The following IPCEF1 variants were observed in gnomAD, a reference collection of about 807,000 sequenced individuals.
IPCEF1 encodes the protein interactor protein for cytohesin exchange factors 1.
In IPCEF1, 31 loss-of-function variants were observed where a neutral mutation model predicts 50.9. The ratio of observed to expected loss-of-function variants is 0.61; its 90% CI spans 0.46 to 0.82. The LOEUF (loss-of-function observed/expected upper bound fraction) is 0.82. Ranked by LOEUF, IPCEF1 falls within the 40% of genes least tolerant of loss-of-function variation. The pLI, the probability that IPCEF1 is intolerant of heterozygous loss-of-function variation, is 0.00. For synonymous variants in IPCEF1, 181 were observed against 192.0 expected (o/e 0.94, Z 0.47); for missense variants, 458 against 514.0 (o/e 0.89, Z 1.05).
At chr6:154,205,169 C>T (rs532632779) in intron 9 of IPCEF1, among the ~76,000 whole-genome samples, 31 of 152,192 alleles carry the variant, frequency 2.0e-4, no homozygotes, top group Non-Finnish European at 3.5e-4. Context: ...ATTTGTCAGT[C>T]CTTGAAGTAA....
intron 7 of IPCEF1, among the ~76,000 whole-genome samples, chr6:154,216,275 G>A (rs1187945367): frequency 6.6e-6 from 1 of 151,930 alleles, no homozygotes; most frequent in Non-Finnish European, 1.5e-5. Flanking sequence ...TCAATTTCCT[G>A]TTATAATGAA....
At chr6:154,170,044 T>C (rs770175190) in intron 10 of IPCEF1, among the ~76,000 whole-genome samples, 8 of 152,152 alleles carry the variant, frequency 5.3e-5, no homozygotes, top group Non-Finnish European at 1.0e-4. Context: ...ATGTTACCCA[T>C]GTTAAGCTAC....
intron 1 of IPCEF1, among the ~76,000 whole-genome samples, chr6:154,301,188 C>T (rs950193132): frequency 2.6e-5 from 4 of 152,254 alleles, no homozygotes; most frequent in East Asian, 1.9e-4. Context: ...TCATTGTTGT[C>T]GTAGTCTATG....
At chr6:154,214,142 G>A (rs9478525) in intron 8 of IPCEF1, 76 bp downstream of exon 8, 56,376 of 943,126 alleles carry the variant, frequency 0.06, 2,081 homozygotes, top group African/African-American at 0.12. Context: ...CATAGAACTT[G>A]ACATTGTTTT....
chr6:154,248,181 T>C (rs1781208127), intron 3 of IPCEF1, among the ~76,000 whole-genome samples: 1 of 152,220 alleles, frequency 6.6e-6, no homozygotes, highest in Non-Finnish European at 1.5e-5. Context: ...TATTCTGTAC[T>C]AGCTCTTCAA....
At chr6:154,267,465 G>A (rs1781785610) in intron 2 of IPCEF1, among the ~76,000 whole-genome samples, 2 of 152,146 alleles carry the variant, frequency 1.3e-5, no homozygotes, top group Non-Finnish European at 2.9e-5. Flanking sequence ...CTCACATATT[G>A]GGATATCAAA....
At chr6:154,232,833 TA>T (rs1251423814) in intron 5 of IPCEF1, among the ~76,000 whole-genome samples, 6 of 152,252 alleles carry the variant, frequency 3.9e-5, no homozygotes, top group Non-Finnish European at 8.8e-5. Context: ...TGTAATAATG[TA>T]AAATTTGTTA....
chr6:154,242,896 G>C (rs907684957), intron 5 of IPCEF1, among the ~76,000 whole-genome samples: 3 of 151,814 alleles, frequency 2.0e-5, no homozygotes, highest in Non-Finnish European at 4.4e-5. Flanking sequence ...TCAAAGAAAA[G>C]AAAAGAAAAG....
At chr6:154,185,963 T>C (rs927692983) in intron 10 of IPCEF1, among the ~76,000 whole-genome samples, 17 of 152,232 alleles carry the variant, frequency 1.1e-4, no homozygotes, top group African/African-American at 4.1e-4. Flanking sequence ...ACCCTTTTGG[T>C]TCCCCTTCTC....
rs1798695618 is a variant in IPCEF1 at position 154,155,934 on chromosome 6, G to A, written c.*3894C>T. The A allele has an allele frequency of 2.6e-5, 4 of 152,168 alleles. No homozygotes were observed. The highest frequency in any genetic ancestry group is 6.5e-5 in the Admixed American group (1 of 15,290). 9.4% of individuals were successfully genotyped at this position (152,168 alleles called of 1,614,324 possible). Reference sequence around the variant, plus strand: ...CTGTGACATTGTTTGTGACTGGAGTGCTACCTGAGTAAATTATCATGATTA... The same window carrying A: ...CTGTGACATTGTTTGTGACTGGAGTACTACCTGAGTAAATTATCATGATTA... On this transcript the variant is annotated 3_prime_UTR_variant, in exon 12 of 12. Transcript: ENST00000367220.
chr6:154,188,338 T>G (rs1202083170), intron 10 of IPCEF1, among the ~76,000 whole-genome samples: 1 of 152,222 alleles, frequency 6.6e-6, no homozygotes, highest in Admixed American at 6.5e-5. Context: ...TGAAATTTAT[T>G]ATAAGATGTA....
chr6:154,198,664 A>ACACACACAC (rs1554292213), intron 10 of IPCEF1, among the ~76,000 whole-genome samples: 4 of 150,150 alleles, frequency 2.7e-5, no homozygotes, highest in South Asian at 2.1e-4. Flanking sequence ...ACACACACAC[A>ACACACACAC]ACTTGTTCTG....
At chr6:154,174,850 C>CA (rs1800183094) in intron 10 of IPCEF1, among the ~76,000 whole-genome samples, 1 of 152,172 alleles carries the variant, frequency 6.6e-6, no homozygotes, top group Non-Finnish European at 1.5e-5. Context: ...ACTCTCCACC[C>CA]AAAATCAACA....
intron 10 of IPCEF1, among the ~76,000 whole-genome samples, chr6:154,174,841 C>A (rs1800182256): frequency 6.6e-6 from 1 of 152,206 alleles, no homozygotes; most frequent in Admixed American, 6.5e-5. Context: ...ATCTACAGAA[C>A]TCTCCACCCA....
chr6:154,218,846 C>T (rs1413987535), intron 7 of IPCEF1, among the ~76,000 whole-genome samples: 2 of 152,162 alleles, frequency 1.3e-5, no homozygotes, highest in Admixed American at 6.5e-5. Context: ...GGGGTCCAGA[C>T]ACCTTAAGTT....
chr6:154,282,335 T>A (rs1388088887), intron 2 of IPCEF1, among the ~76,000 whole-genome samples: 1 of 152,072 alleles, frequency 6.6e-6, no homozygotes, highest in African/African-American at 2.4e-5. Flanking sequence ...GGGAAGAGAT[T>A]ACAATGTCAT....
intron 5 of IPCEF1, among the ~76,000 whole-genome samples, chr6:154,225,699 T>C (rs1223916395): frequency 6.6e-6 from 1 of 152,238 alleles, no homozygotes; most frequent in Admixed American, 6.5e-5. Context: ...TGTGAATGTA[T>C]TAAATGCCAC....
chr6:154,274,139 C>T (rs1781981735), intron 2 of IPCEF1, among the ~76,000 whole-genome samples: 1 of 151,332 alleles, frequency 6.6e-6, no homozygotes. Flanking sequence ...CATTCTTTCT[C>T]TTTCGGTTAT....
chr6:154,314,006 C>G (rs1159991226), intron 1 of IPCEF1, among the ~76,000 whole-genome samples: 1 of 152,104 alleles, frequency 6.6e-6, no homozygotes, highest in Non-Finnish European at 1.5e-5. Flanking sequence ...TCTTGGCCCC[C>G]CAAAATGCTG....
Sources: gnomAD v4.1 joint callset for allele counts (sites outside exome capture counted in the v4.1 genomes callset) on GRCh38, gnomAD v4.1.1 for gene constraint, MANE v1.5 for transcripts, NCBI Gene and HGNC (gene_info 2026-07-23, HGNC 2026-07-21) for gene names.